MCC: variants seen among roughly 807,000 people sequenced by gnomAD.
MCC encodes the protein MCC regulator of Wnt signaling pathway.
Under a neutral mutation model 116.2 loss-of-function variants are expected in MCC, and 90 were observed. The ratio of observed to expected loss-of-function variants is 0.77; its 90% CI spans 0.65 to 0.92. MCC has a LOEUF of 0.92. MCC is among the 40% of genes least tolerant of loss of function. MCC has a pLI of 0.00. For missense variants in MCC, 1,516 were observed against 1,312.2 expected (o/e 1.16, Z -2.40); for synonymous variants, 578 against 510.5 (o/e 1.13, Z -1.78).
At chr5:113,128,135 C>T (rs953436067) in intron 5 of MCC, among the ~76,000 whole-genome samples, 3 of 152,222 alleles carry the variant, frequency 2.0e-5, no homozygotes, top group African/African-American at 7.2e-5. Context: ...GCTGAAAGTA[C>T]TATGGAGTCA....
intron 12 of MCC, among the ~76,000 whole-genome samples, chr5:113,068,739 A>G (rs1239232695): frequency 6.6e-6 from 1 of 152,252 alleles, no homozygotes; most frequent in Non-Finnish European, 1.5e-5. Flanking sequence ...AGAGGTCCAC[A>G]TGGTGAGTAA....
At chr5:113,333,794 T>TATATGTAC (rs1469700100) in intron 3 of MCC, among the ~76,000 whole-genome samples, 1 of 89,804 alleles carries the variant, frequency 1.1e-5, no homozygotes, top group African/African-American at 7.1e-5. Flanking sequence ...TATATTTATA[T>TATATGTAC]ATATATGTAT....
chr5:113,341,452 T>A (rs1768009549), intron 2 of MCC, among the ~76,000 whole-genome samples: 1 of 152,182 alleles, frequency 6.6e-6, no homozygotes, highest in Non-Finnish European at 1.5e-5. Context: ...CCCAAAATGC[T>A]AGGATTACAG....
chr5:113,319,491 T>C (rs1335069554), intron 3 of MCC, among the ~76,000 whole-genome samples: 1 of 152,220 alleles, frequency 6.6e-6, no homozygotes, highest in Admixed American at 6.5e-5. Flanking sequence ...ACCTGTGGCA[T>C]GCTGGCCTTG....
At chr5:113,380,935 T>C (rs554214856) in intron 2 of MCC, among the ~76,000 whole-genome samples, 5 of 152,306 alleles carry the variant, frequency 3.3e-5, no homozygotes, top group East Asian at 3.9e-4. Flanking sequence ...GTGCACCACA[T>C]TGTGGTAAGG....
chr5:113,370,640 T>C (rs777837284), intron 2 of MCC, among the ~76,000 whole-genome samples: 1 of 152,202 alleles, frequency 6.6e-6, no homozygotes, highest in Admixed American at 6.5e-5. Context: ...GACTGATCCA[T>C]AGATATATTT....
chr5:113,251,350 T>C (rs773545049), intron 3 of MCC, among the ~76,000 whole-genome samples: 12 of 152,248 alleles, frequency 7.9e-5, no homozygotes, highest in Non-Finnish European at 1.2e-4. Context: ...ATTTCTCCCA[T>C]TCATTTGTGC....
chr5:113,203,804 T>C lies in MCC; in HGVS notation c.628-52382A>G, dbSNP rs182275876. 1.7e-3 allele frequency among the ~76,000 whole-genome samples: 257 copies of C among 152,332 alleles called. 1 individual carries two copies. Among genetic ancestry groups the C allele is most frequent in the African/African-American group, 5.9e-3 (244 of 41,568 alleles). On this transcript the variant is annotated intron_variant, in intron 3 of 18. Coordinates refer to ENST00000408903, the MANE Select transcript of MCC (RefSeq NM_001085377.2). ...ACACCAGATGTATGGAGTTTGCTATTAGATTTCTTTGCCATAGATCCAGCG... is the reference window on the plus strand; with the variant it reads ...ACACCAGATGTATGGAGTTTGCTATCAGATTTCTTTGCCATAGATCCAGCG...
intron 3 of MCC, among the ~76,000 whole-genome samples, chr5:113,313,304 A>G (rs10038017): frequency 0.087 from 13,259 of 152,176 alleles, 1,352 homozygotes; most frequent in African/African-American, 0.25. Context: ...CCAAGATGGC[A>G]CCACTGCACT....
chr5:113,333,612 G>A (rs1184986373), intron 3 of MCC, among the ~76,000 whole-genome samples: 1 of 150,390 alleles, frequency 6.6e-6, no homozygotes, highest in Non-Finnish European at 1.5e-5. Context: ...TGAGCAGCAG[G>A]GTGCAGAATA....
At chr5:113,304,613 C>T (rs989020567) in intron 3 of MCC, among the ~76,000 whole-genome samples, 4 of 152,164 alleles carry the variant, frequency 2.6e-5, no homozygotes, top group African/African-American at 9.7e-5. Flanking sequence ...ATTTTCGAGC[C>T]TAAAACTTAG....
At chr5:113,107,595 A>C (rs1386977197) in intron 6 of MCC, among the ~76,000 whole-genome samples, 1 of 152,128 alleles carries the variant, frequency 6.6e-6, no homozygotes, top group Non-Finnish European at 1.5e-5. Context: ...CAACTCAGAG[A>C]CCACACCAAC....
intron 3 of MCC, among the ~76,000 whole-genome samples, chr5:113,270,214 T>C (rs556350401): frequency 6.6e-6 from 1 of 152,264 alleles, no homozygotes; most frequent in East Asian, 1.9e-4. Context: ...CAACTTAACC[T>C]TTCTTAGGTG....
intron 3 of MCC, among the ~76,000 whole-genome samples, chr5:113,291,467 A>G (rs1458824050): frequency 6.6e-6 from 1 of 152,200 alleles, no homozygotes; most frequent in Non-Finnish European, 1.5e-5. Flanking sequence ...GGACCCTTAC[A>G]GAAGGAGTAA....
intron 1 of MCC, among the ~76,000 whole-genome samples, chr5:113,405,707 T>G (rs1367864877): frequency 4.6e-5 from 7 of 151,516 alleles, no homozygotes. Flanking sequence ...CTTAGAAAGC[T>G]AAGGTGGGAA....
chr5:113,112,233 T>G (rs1757141155), intron 6 of MCC, among the ~76,000 whole-genome samples: 1 of 152,194 alleles, frequency 6.6e-6, no homozygotes, highest in African/African-American at 2.4e-5. Flanking sequence ...TTTATTAAGC[T>G]TTGCCTTTGA....
rs1342636758 is a variant in MCC at position 113,026,823 on chromosome 5, C to T, written c.*479G>A. ...CAAAGCCTTGCTGTAGTAAACAAAT[C>T]AGCAGTCCTTTTAAATGCTGGAGGC... On this transcript the variant is annotated 3_prime_UTR_variant, in exon 19 of 19. Transcript: ENST00000408903. 1 of 155,306 alleles carries T rather than the reference C, an allele frequency of 6.4e-6. No homozygotes were observed. The highest frequency in any genetic ancestry group is 1.4e-5 in the Non-Finnish European group (1 of 70,262). 9.6% of individuals were successfully genotyped at this position (155,306 alleles called of 1,614,324 possible). A position where few individuals can be genotyped will look rare whatever the true frequency, so the allele number is the denominator to read the frequency against.
chr5:113,227,427 C>T (rs1350456608), intron 3 of MCC, among the ~76,000 whole-genome samples: 3 of 152,166 alleles, frequency 2.0e-5, no homozygotes, highest in Non-Finnish European at 2.9e-5. Flanking sequence ...ATATTTCATT[C>T]CTGAAGTAGA....
intron 1 of MCC, among the ~76,000 whole-genome samples, chr5:113,469,160 G>A (rs1323729834): frequency 6.6e-6 from 1 of 152,004 alleles, no homozygotes; most frequent in African/African-American, 2.4e-5. Context: ...TTTTTTGAAG[G>A]GTTTTTTGTG....
Sources: gnomAD v4.1 joint callset for allele counts (sites outside exome capture counted in the v4.1 genomes callset) on GRCh38, gnomAD v4.1.1 for gene constraint, MANE v1.5 for transcripts, NCBI Gene and HGNC (gene_info 2026-07-23, HGNC 2026-07-21) for gene names.